Variants in CAPN9 observed in about 807,000 individuals in gnomAD.
The protein encoded by CAPN9 is calpain 9, also known as calpain-9.
CAPN9 carries 81 observed loss-of-function variants against 92.8 expected under a neutral mutation model. The observed-to-expected ratio is 0.87, with a 90% CI of 0.73 to 1.05. The LOEUF is 1.05. CAPN9 is among the 50% of genes least tolerant of loss of function. CAPN9 has a pLI of 0.00. For missense variants in CAPN9, 848 were observed against 866.2 expected, an observed-to-expected ratio of 0.98 and a Z score of 0.26; for synonymous variants, 304 against 328.0, an observed-to-expected ratio of 0.93 and a Z score of 0.79.
intron 3 of CAPN9, among the ~76,000 whole-genome samples, chr1:230,762,364 G>A (rs1026341734): frequency 4.6e-5 from 7 of 152,254 alleles, no homozygotes; most frequent in Non-Finnish European, 1.0e-4. Flanking sequence ...GCACCGTAGA[G>A]TGTCTACTTG....
chr1:230,750,423 GT>G (rs1664692839), intron 1 of CAPN9, among the ~76,000 whole-genome samples: 1 of 152,134 alleles, frequency 6.6e-6, no homozygotes, highest in Admixed American at 6.5e-5. Flanking sequence ...ACCCCTATCT[GT>G]TTCTTATTTA....
chr1:230,779,808 G>A (rs900200160), intron 9 of CAPN9, among the ~76,000 whole-genome samples: 1 of 152,126 alleles, frequency 6.6e-6, no homozygotes, highest in African/African-American at 2.4e-5. Flanking sequence ...GTAGATGCCA[G>A]GGGGACAACC....
chr1:230,771,731 G>GT, intron 6 of CAPN9, among the ~76,000 whole-genome samples: 1 of 152,196 alleles, frequency 6.6e-6, no homozygotes, highest in Non-Finnish European at 1.5e-5. Context: ...CTAATTTCTT[G>GT]TTAATTGCAA....
chr1:230,784,463 T>C (rs943458723), intron 11 of CAPN9, among the ~76,000 whole-genome samples: 1 of 152,266 alleles, frequency 6.6e-6, no homozygotes, highest in African/African-American at 2.4e-5. Flanking sequence ...AGGGCCCCAC[T>C]GCTCTATGCA....
chr1:230,800,238 G>GAAAGAAAGAAAGAA (rs1668602846), intron 19 of CAPN9, among the ~76,000 whole-genome samples: 1 of 49,530 alleles, frequency 2.0e-5, no homozygotes, highest in South Asian at 7.6e-4. Flanking sequence ...AAAGAAGAAA[G>GAAAGAAAGAAAGAA]AAAGAAAGAA....
At chr1:230,792,632 C>A in intron 16 of CAPN9, 138 bp downstream of exon 16, 1 of 790,724 alleles carries the variant, frequency 1.3e-6, no homozygotes, top group Non-Finnish European at 2.2e-6. Flanking sequence ...AAAACAGCAT[C>A]ATGCTATTCC....
intron 19 of CAPN9, among the ~76,000 whole-genome samples, chr1:230,800,576 G>A (rs955328307): frequency 6.6e-6 from 1 of 152,102 alleles, no homozygotes; most frequent in African/African-American, 2.4e-5. Context: ...GTAGGGGCTG[G>A]AATAGGCTCC....
In CAPN9 at chr1:230,772,024, G is replaced by A. The variant is rs375897039; in HGVS notation, c.800G>A (p.Arg267Gln). 4.3e-5 allele frequency: 69 copies of A among 1,614,092 alleles called. No homozygotes were observed. The highest frequency in any genetic ancestry group is 1.8e-4 in the East Asian group (8 of 44,878). The change falls in exon 7 of 20, where the codon CGA becomes CAA. Residue 267 changes from arginine to glutamine, a missense_variant. Arg to Gln is a conservative substitution (Grantham distance 43). Transcript: ENST00000271971. ...SVTGIDQVSF[R>Q]GQRIELIRIR... The stretch of plus-strand genomic sequence containing the variant: ...GCTTTTCCCTTCTAGGTAAGCTTCC[G>A]AGGCCAGAGAATCGAGCTCATCCGA...
rs1487354950 is a variant in CAPN9, at chr1:230,796,518, G to A, written c.1987+1239G>A. The stretch of plus-strand genomic sequence containing the variant: ...CTAGACTCTAAGCTCCAGGAGAGCC[G>A]TAATTTCTGGACAATCAATGAGTAT... On this transcript the variant is annotated intron_variant, in intron 18 of 19. Transcript: ENST00000271971. Among the ~76,000 whole-genome samples, 7 of 152,156 alleles carry A rather than the reference G, an allele frequency of 4.6e-5. No homozygotes were observed. The East Asian group carries it at 7.7e-4, about 17-fold the overall frequency.
Position 230,792,883 on chromosome 1 carries a change from G to A in CAPN9, c.1825G>A (p.Gly609Ser), listed in dbSNP as rs769880929. The change falls in exon 17 of 20, where the codon GGC becomes AGC. Residue 609 changes from glycine to serine, a missense_variant. Transcript: ENST00000271971. The stretch of plus-strand genomic sequence containing the variant: ...CCTTCGGTTTGATGCTGACAAGTCC[G>A]GCACCATGTCTACCTATGAACTACG... ...LFLRFDADKS[G>S]TMSTYELRTA... 33 of 1,613,978 alleles carry A rather than the reference G, an allele frequency of 2.0e-5. No homozygotes were observed. The highest frequency in any genetic ancestry group is 5.5e-5 in the South Asian group (5 of 91,088).
At chr1:230,756,199 G>C (rs1318443010) in intron 2 of CAPN9, among the ~76,000 whole-genome samples, 2 of 152,004 alleles carry the variant, frequency 1.3e-5, no homozygotes, top group South Asian at 4.1e-4. Context: ...GGTTAAGAAA[G>C]GCCATGCTGG....
chr1:230,792,280 T>C, intron 15 of CAPN9, 146 bp from the exon 16 acceptor site: 1 of 671,206 alleles, frequency 1.5e-6, no homozygotes, highest in Non-Finnish European at 2.7e-6. Flanking sequence ...TGTGGTTTAA[T>C]CATTAAAACC....
intron 11 of CAPN9, among the ~76,000 whole-genome samples, chr1:230,782,160 G>A (rs1667269736): frequency 1.3e-5 from 2 of 152,144 alleles, no homozygotes; most frequent in South Asian, 4.1e-4. Flanking sequence ...ACATGCATAA[G>A]GTGACTTGTA....
intron 13 of CAPN9, 90 bp downstream of exon 13, chr1:230,787,692 A>G: frequency 9.2e-7 from 1 of 1,089,146 alleles, no homozygotes; most frequent in Non-Finnish European, 1.4e-6. Flanking sequence ...GTTGGTCAGC[A>G]ACGTCATCCT....
chr1:230,779,475 T>C (rs1667061507), intron 9 of CAPN9, among the ~76,000 whole-genome samples: 1 of 152,170 alleles, frequency 6.6e-6, no homozygotes, highest in South Asian at 2.1e-4. Flanking sequence ...TTCCATTTGC[T>C]TGTAATTCAC....
At position 230,780,646 on chromosome 1, in the gene CAPN9, T is replaced by G; in HGVS notation, c.1419T>G (p.Phe473Leu). ...PGEYILIPSTFEPHQEADFCL... is the reference protein window; with the variant it reads ...PGEYILIPSTLEPHQEADFCL... ...AGTACATCCTGATTCCCAGCACTTTTGAGCCCCACCAGGAAGCTGATTTCT... is the reference window on the plus strand; with the variant it reads ...AGTACATCCTGATTCCCAGCACTTTGGAGCCCCACCAGGAAGCTGATTTCT... The change falls in exon 11 of 20, where the codon TTT (phenylalanine) becomes TTG (leucine). Residue 473 changes from phenylalanine (F) to leucine (L), a missense_variant. By Grantham distance (22) the Phe-to-Leu change is conservative. Transcript: ENST00000271971. The G allele has an allele frequency of 1.2e-6, 2 of 1,614,164 alleles. No individual in the cohort carries two copies. Among genetic ancestry groups the G allele is most frequent in the Non-Finnish European group, 1.7e-6 (2 of 1,180,020 alleles).
Position 230,790,180 on chromosome 1 carries a change from C to T in CAPN9, c.1648C>T (p.Leu550=), listed in dbSNP as rs768295890. The T allele has an allele frequency of 6.2e-7, 1 of 1,614,118 alleles. No homozygotes were observed. ...EELEYVLNAV[L]QKKKDIKFKK... is the part of the protein sequence containing the mutation. The stretch of plus-strand genomic sequence containing the variant: ...ACTTGAGTATGTTTTAAATGCTGTG[C>T]TGCAAAAGAGTAAGTGCCAACCCCA... Residue 550 remains leucine, a synonymous_variant, in exon 14 of 20, where the codon CTG becomes TTG. Coordinates refer to ENST00000271971, the MANE Select transcript of CAPN9 (RefSeq NM_006615.3).
intron 19 of CAPN9, among the ~76,000 whole-genome samples, chr1:230,800,589 C>T (rs1211377243): frequency 1.3e-5 from 2 of 152,124 alleles, no homozygotes; most frequent in Non-Finnish European, 2.9e-5. Flanking sequence ...TAGGCTCCTG[C>T]CCTGCCCCAT....
chr1:230,761,347 G>T (rs1482388950), intron 3 of CAPN9, among the ~76,000 whole-genome samples: 1 of 152,032 alleles, frequency 6.6e-6, no homozygotes, highest in East Asian at 1.9e-4. Flanking sequence ...TGACTCACAG[G>T]CCCCCTGAGC....
Sources: allele counts gnomAD v4.1 joint callset (sites outside exome capture counted in the v4.1 genomes callset), GRCh38; gene constraint gnomAD v4.1.1; transcripts MANE v1.5; gene names NCBI Gene and HGNC (gene_info 2026-07-23, HGNC 2026-07-21).